Variants in TRPM3 observed in about 807,000 individuals in gnomAD.
TRPM3 encodes long transient receptor potential channel 3.
A neutral mutation model predicts 181.2 loss-of-function variants in TRPM3; 77 were observed. The observed-to-expected ratio is 0.42, with a 90% CI of 0.35 to 0.51. The LOEUF (loss-of-function observed/expected upper bound fraction) is 0.51, where lower values mean the gene tolerates loss of function less well. Among genes scored for constraint, TRPM3 ranks in the 20% least tolerant of loss-of-function variants. TRPM3 has a pLI of 0.01. For missense variants in TRPM3, 1,759 were observed against 2,196.7 expected, an observed-to-expected ratio of 0.80 and a Z score of 3.98; for synonymous variants, 745 against 796.4, an observed-to-expected ratio of 0.94 and a Z score of 1.09.
chr9:71,399,725 G>T (rs983978316), intron 1 of TRPM3, among the ~76,000 whole-genome samples: 10 of 151,736 alleles, frequency 6.6e-5, no homozygotes, highest in Non-Finnish European at 1.3e-4. Context: ...TAGCGACAAG[G>T]TTTCACCATG....
intron 1 of TRPM3, among the ~76,000 whole-genome samples, chr9:71,069,239 G>A (rs2133495343): frequency 6.6e-6 from 1 of 152,348 alleles, no homozygotes; most frequent in African/African-American, 2.4e-5. Context: ...CTGGAGTGCA[G>A]TGGCGCCATC....
rs549020533 is a variant in TRPM3 at position 70,930,859 on chromosome 9, C to T, written c.178-66348G>A. Reference sequence around the variant, plus strand: ...TTAGTTGAGAACAGGAAAAACAGGGCAAATGAAAGTGGCTGAGAAAAAAAT... The same window carrying T: ...TTAGTTGAGAACAGGAAAAACAGGGTAAATGAAAGTGGCTGAGAAAAAAAT... On this transcript the variant is annotated intron_variant, in intron 1 of 25. Transcript: ENST00000677713. 9.2e-5 allele frequency among the ~76,000 whole-genome samples: 14 copies of T among 151,508 alleles called. No individual in the cohort carries two copies. In the South Asian group the frequency reaches 2.9e-3, roughly 32 times the overall value.
At chr9:70,773,408 G>A (rs536047389) in intron 7 of TRPM3, among the ~76,000 whole-genome samples, 12 of 152,136 alleles carry the variant, frequency 7.9e-5, no homozygotes, top group Non-Finnish European at 1.2e-4. Flanking sequence ...CCTAGATCAG[G>A]CTGATGCATG....
chr9:70,929,167 C>CTT (rs199515595), intron 1 of TRPM3, among the ~76,000 whole-genome samples: 1 of 141,390 alleles, frequency 7.1e-6, no homozygotes, highest in Non-Finnish European at 1.6e-5. Flanking sequence ...TAAACATTGA[C>CTT]TTTTTTTTTT....
chr9:70,619,112 G>A lies in TRPM3; in HGVS notation c.2130-17C>T. 6.2e-7 allele frequency: 1 copy of A among 1,604,792 alleles called. No homozygotes were observed. Among genetic ancestry groups the A allele is most frequent in the Non-Finnish European group, 8.5e-7 (1 of 1,174,280 alleles). On this transcript the variant is annotated splice_polypyrimidine_tract_variant and intron_variant, in intron 16 of 25. Coordinates refer to ENST00000677713, the MANE Select transcript of TRPM3 (RefSeq NM_001366145.2). ...CCAAAGTCTCTGAAAGACAGAATGG[G>A]TGGAAGAGTCCTTCAGGTCAGCTTG...
chr9:71,402,259 A>G (rs1175957796), intron 1 of TRPM3, among the ~76,000 whole-genome samples: 1 of 152,234 alleles, frequency 6.6e-6, no homozygotes, highest in East Asian at 1.9e-4. Flanking sequence ...AAAAGGTGGC[A>G]CAAAATCTTG....
chr9:70,627,459 G>C (rs1286451408), intron 12 of TRPM3, among the ~76,000 whole-genome samples: 2 of 151,784 alleles, frequency 1.3e-5, no homozygotes, highest in Non-Finnish European at 2.9e-5. Flanking sequence ...TTTTAGTAGA[G>C]ACAGGGTTTT....
At chr9:71,132,311 C>G (rs2074421726) in intron 1 of TRPM3, among the ~76,000 whole-genome samples, 1 of 152,104 alleles carries the variant, frequency 6.6e-6, no homozygotes, top group Non-Finnish European at 1.5e-5. Context: ...ACAGTTAATT[C>G]TTGGAGGGAA....
chr9:71,397,547 T>C (rs2132998164), intron 1 of TRPM3, among the ~76,000 whole-genome samples: 1 of 152,190 alleles, frequency 6.6e-6, no homozygotes, highest in East Asian at 1.9e-4. Context: ...CAAGGAAGAG[T>C]TGGAACTTTT....
At chr9:71,210,922 T>A (rs572407538) in intron 1 of TRPM3, among the ~76,000 whole-genome samples, 1 of 152,312 alleles carries the variant, frequency 6.6e-6, no homozygotes, top group Admixed American at 6.5e-5. Flanking sequence ...AGGCATACAC[T>A]CTGGTGTCTC....
chr9:70,612,215 A>G (rs941969758), intron 18 of TRPM3, among the ~76,000 whole-genome samples: 1 of 152,252 alleles, frequency 6.6e-6, no homozygotes, highest in Non-Finnish European at 1.5e-5. Context: ...ATTAGAATCT[A>G]TAACAGCATA....
At chr9:70,546,417 CTG>C (rs1341196751) in intron 25 of TRPM3, among the ~76,000 whole-genome samples, 1 of 152,170 alleles carries the variant, frequency 6.6e-6, no homozygotes, top group Non-Finnish European at 1.5e-5. Context: ...CTGTTAAAGA[CTG>C]AGAACCACTG....
At chr9:70,897,794 C>A (rs200341433) in intron 1 of TRPM3, among the ~76,000 whole-genome samples, 209 of 146,482 alleles carry the variant, frequency 1.4e-3, no homozygotes, top group African/African-American at 3.8e-3. Context: ...ACTTTTGCAC[C>A]AACCTAATAG....
intron 5 of TRPM3, among the ~76,000 whole-genome samples, chr9:70,841,620 C>T (rs1352815233): frequency 2.4e-5 from 2 of 82,688 alleles, no homozygotes; most frequent in African/African-American, 9.7e-5. Flanking sequence ...ATATCTATAT[C>T]CCACTATATA....
chr9:70,793,826 C>T (rs558975783), intron 6 of TRPM3: 101 of 319,102 alleles, frequency 3.2e-4, no homozygotes, highest in Middle Eastern at 1.9e-3. Flanking sequence ...TACCACCATT[C>T]GTCTTTCATT....
intron 1 of TRPM3, among the ~76,000 whole-genome samples, chr9:71,364,496 A>C (rs192142114): frequency 6.6e-6 from 1 of 152,362 alleles, no homozygotes; most frequent in Admixed American, 6.5e-5. Flanking sequence ...AGAGTGATTA[A>C]AAGAAGGTCA....
chr9:71,133,314 G>A (rs1176062359), intron 1 of TRPM3, among the ~76,000 whole-genome samples: 4 of 3,148 alleles, frequency 1.3e-3, no homozygotes, highest in South Asian at 0.017. Flanking sequence ...TTTTTTTTGA[G>A]ACAGAGTTTT....
Position 70,864,452 on chromosome 9 carries a change from G to A in TRPM3, c.237C>T (p.Pro79=). The A allele has an allele frequency of 6.7e-7, 1 of 1,490,308 alleles. No homozygotes were observed. Among genetic ancestry groups the A allele is most frequent in the African/African-American group, 1.5e-5 (1 of 67,854 alleles). 92.3% of individuals were successfully genotyped at this position (1,490,308 alleles called of 1,614,324 possible). A position where few individuals can be genotyped will look rare whatever the true frequency, so the allele number is the denominator to read the frequency against. Residue 79 remains proline, a synonymous_variant, in exon 2 of 26, where the codon CCC becomes CCT. Coordinates refer to ENST00000677713, the MANE Select transcript of TRPM3 (RefSeq NM_001366145.2). ...FYKRECVHII[P]STKDPHRCCC... ...ATTACCTATGGGGGTCTTTGGTGCT[G>A]GGTATGATGTGGACACATTCTCTTT...
Position 70,533,932 on chromosome 9 carries a change from ATTTAC to A in TRPM3, c.*2016_*2020del, listed in dbSNP as rs1377882928. On this transcript the variant is annotated 3_prime_UTR_variant, in exon 26 of 26. Transcript: ENST00000677713. The stretch of plus-strand genomic sequence containing the variant: ...TTTATCTTATATTTAAAGGCCATGT[ATTTAC>A]TTGATTTCACAAAATAAAGTAAAAC... The A allele has an allele frequency of 6.6e-6, 1 of 152,196 alleles. No homozygotes were observed. Among genetic ancestry groups the A allele is most frequent in the Non-Finnish European group, 1.5e-5 (1 of 68,022 alleles). 9.4% of individuals were successfully genotyped at this position (152,196 alleles called of 1,614,324 possible). A position where few individuals can be genotyped will look rare whatever the true frequency, so the allele number is the denominator to read the frequency against.
Sources: gnomAD v4.1 joint callset for allele counts (sites outside exome capture counted in the v4.1 genomes callset) on GRCh38, gnomAD v4.1.1 for gene constraint, MANE v1.5 for transcripts, NCBI Gene and HGNC (gene_info 2026-07-23, HGNC 2026-07-21) for gene names.